The following MAP3K6 variants were observed in gnomAD, a reference collection of about 807,000 sequenced individuals.
MAP3K6 encodes the protein mitogen-activated protein kinase kinase kinase 6.
A neutral mutation model predicts 147.1 loss-of-function variants in MAP3K6; 105 were observed. The observed-to-expected ratio is 0.71, with a 90% CI of 0.61 to 0.84. The LOEUF (loss-of-function observed/expected upper bound fraction) is 0.84. MAP3K6 is among the 40% of genes least tolerant of loss of function. The pLI is 0.00. For synonymous variants in MAP3K6, 695 were observed against 732.4 expected, an observed-to-expected ratio of 0.95 and a Z score of 0.82; for missense variants, 1,569 against 1,715.0, an observed-to-expected ratio of 0.91 and a Z score of 1.50.
chr1:27,364,599 G>A lies in MAP3K6; in HGVS notation c.504+62C>T. 6.2e-7 allele frequency: 1 copy of A among 1,610,930 alleles called. No homozygotes were observed. Among genetic ancestry groups the A allele is most frequent in the Non-Finnish European group, 8.5e-7 (1 of 1,177,060 alleles). On this transcript the variant is annotated intron_variant, in intron 3 of 28. Transcript: ENST00000357582. This position sits in a 1 kb window ranked among gnomAD's most constrained non-coding sequence, Gnocchi z 4.4. ...ACTGAGGAGGCCAGGGGGATTAGTG[G>A]AGGTCAGAGGTCATAGCGGAAGTCA...
chr1:27,361,047 T>G, intron 13 of MAP3K6, 39 bp from the exon 14 acceptor site: 1 of 1,539,558 alleles, frequency 6.5e-7, no homozygotes, highest in Non-Finnish European at 8.8e-7. Context: ...GAGGGGCATC[T>G]TGGTCCCCAC....
Position 27,360,358 on chromosome 1 carries a change from G to T in MAP3K6, c.2065C>A (p.Pro689Thr), listed in dbSNP as rs2015701913. 1.2e-6 allele frequency: 2 copies of T among 1,613,620 alleles called. No individual in the cohort carries two copies. Among genetic ancestry groups the T allele is most frequent in the Admixed American group, 1.7e-5 (1 of 60,000 alleles). ...IPERDSRFSQPLHEEIALHRR... is the reference protein window; with the variant it reads ...IPERDSRFSQTLHEEIALHRR... The stretch of plus-strand genomic sequence containing the variant: ...TGAAGAGCGATCTCTTCATGCAGGG[G>T]CTGAGAGAACCTGAGGGGAGGTAAG... Residue 689 changes from proline to threonine, a missense_variant, in exon 16 of 29, where the codon CCC becomes ACC. Transcript: ENST00000357582. The surrounding 1 kb of genome is among the most constrained non-coding windows in gnomAD (Gnocchi z 4.5).
chr1:27,358,328 G>C lies in MAP3K6; in HGVS notation c.2777-9C>G, dbSNP rs756867743. 1 of 1,605,676 alleles carries C rather than the reference G, an allele frequency of 6.2e-7. No homozygotes were observed. Among genetic ancestry groups the C allele is most frequent in the Admixed American group, 1.8e-5 (1 of 56,572 alleles). ...ACTGGCAGAAGGGGCATCTGAGGGAGGGACAGAGCCATCAGCTGGGCTCTC... is the reference window on the plus strand; with the variant it reads ...ACTGGCAGAAGGGGCATCTGAGGGACGGACAGAGCCATCAGCTGGGCTCTC... On this transcript the variant is annotated splice_polypyrimidine_tract_variant and intron_variant, in intron 20 of 28. Transcript: ENST00000357582. The surrounding 1 kb of genome is among the most constrained non-coding windows in gnomAD (Gnocchi z 6.2).
chr1:27,363,879 A>G (rs2015874400), intron 5 of MAP3K6, 38 bp downstream of exon 5: 1 of 1,508,692 alleles, frequency 6.6e-7, no homozygotes, highest in East Asian at 2.4e-5. Flanking sequence ...CTGACCTCAA[A>G]TGCCAGCTGC....
chr1:27,357,451 C>CT lies in MAP3K6; in HGVS notation c.3206dup (p.Leu1071ProfsTer67). ...TGTGCAGAAGCGCAGGCCCAAGGCC[C>CT]TGGGCCCTCAGCCGTCCTTGCAGCG... On this transcript the variant is annotated frameshift_variant, in exon 23 of 29. Coordinates refer to ENST00000357582, the MANE Select transcript of MAP3K6 (RefSeq NM_004672.5). LOFTEE classifies it high-confidence loss of function. 6.2e-7 allele frequency: 1 copy of CT among 1,613,460 alleles called. No homozygotes were observed. The highest frequency in any genetic ancestry group is 8.5e-7 in the Non-Finnish European group (1 of 1,179,756).
Position 27,356,734 on chromosome 1 carries a change from G to A in MAP3K6, c.3380C>T (p.Ala1127Val), listed in dbSNP as rs1192790793. 1.9e-6 allele frequency: 3 copies of A among 1,569,730 alleles called. No homozygotes were observed. The highest frequency in any genetic ancestry group is 2.6e-6 in the Non-Finnish European group (3 of 1,157,442). ...CAGCTCCTCTGACCTCGGTGAGACC[G>A]CCTCCTTCTCCACCTCTGCAGCCCA... ...GVLGPEVEKE[A>V]VSPRSEELSN... The change falls in exon 25 of 29, where the codon GCG becomes GTG. Residue 1127 changes from alanine to valine, a missense_variant. Transcript: ENST00000357582.
rs947142179 is a variant in MAP3K6, at chr1:27,358,088, A to G, written c.2915+93T>C. The G allele has an allele frequency of 1.3e-6, 2 of 1,516,054 alleles. No homozygotes were observed. Among genetic ancestry groups the G allele is most frequent in the Non-Finnish European group, 1.8e-6 (2 of 1,135,110 alleles). The allele number at this position is 1,516,054 out of a possible 1,614,324, so 93.9% of individuals were successfully genotyped here. On this transcript the variant is annotated intron_variant, in intron 21 of 28. Coordinates refer to ENST00000357582, the MANE Select transcript of MAP3K6 (RefSeq NM_004672.5). The surrounding 1 kb of genome is among the most constrained non-coding windows in gnomAD (Gnocchi z 6.2). ...CCAAATGCCACATTCACAAGTGGTC[A>G]AGGTGCCCAGGTCCCCAGGGAGGGC...
chr1:27,357,029 G>A lies in MAP3K6; in HGVS notation c.3344C>T (p.Ala1115Val), dbSNP rs1304849900. ...CCTACCCGGTCCTAGCACACCCAGGGCTGCCCGCACAGCACGGCTGAGCAG... is the reference window on the plus strand; with the variant it reads ...CCTACCCGGTCCTAGCACACCCAGGACTGCCCGCACAGCACGGCTGAGCAG... ...DSLLSRAVRA[A>V]LGVLGPEVEK... The change falls in exon 24 of 29, where the codon GCC becomes GTC. Residue 1115 changes from alanine to valine, a missense_variant. Coordinates refer to ENST00000357582, the MANE Select transcript of MAP3K6 (RefSeq NM_004672.5). The A allele has an allele frequency of 3.1e-6, 5 of 1,614,006 alleles. No individual in the cohort carries two copies. In the Admixed American group the frequency reaches 8.3e-5, roughly 27 times the overall value.
chr1:27,362,923 C>T lies in MAP3K6; in HGVS notation c.1070G>A (p.Gly357Asp), dbSNP rs769029527. 6 of 1,614,032 alleles carry T rather than the reference C, an allele frequency of 3.7e-6. No individual in the cohort carries two copies. The highest frequency in any genetic ancestry group is 5.1e-6 in the Non-Finnish European group (6 of 1,180,022). Residue 357 changes from glycine (G) to aspartate (D), a missense_variant, in exon 7 of 29, where the codon GGC becomes GAC. Transcript: ENST00000357582. ...SVAPDLYCMCGRIYKDMFFSS... is the reference protein window; with the variant it reads ...SVAPDLYCMCDRIYKDMFFSS... ...GAAGAACATGTCCTTGTAGATACGG[C>T]CACACATGCAGTACAGATCGGGCGC...
At position 27,360,821 on chromosome 1, in the gene MAP3K6, C is replaced by T. The variant is rs751616828; in HGVS notation, c.1938G>A (p.Thr646=). 5 of 1,612,880 alleles carry T rather than the reference C, an allele frequency of 3.1e-6. No individual in the cohort carries two copies. The East Asian group carries it at 8.9e-5, about 29-fold the overall frequency. Residue 646 remains threonine, a synonymous_variant, in exon 15 of 29, where the codon ACG becomes ACA. Coordinates refer to ENST00000357582, the MANE Select transcript of MAP3K6 (RefSeq NM_004672.5). This position sits in a 1 kb window ranked among gnomAD's most constrained non-coding sequence, Gnocchi z 4.5. ...CCAGCACCAGCCGCTCGCCCGTCTCCGTGTACTCATAATCAAACTGCCGGG... is the reference window on the plus strand; with the variant it reads ...CCAGCACCAGCCGCTCGCCCGTCTCTGTGTACTCATAATCAAACTGCCGGG... ...GEMLEFDYEY[T]ETGERLVLGK...
In MAP3K6 at chr1:27,362,947, G is replaced by A. The variant is rs141965929; in HGVS notation, c.1046C>T (p.Ala349Val). Residue 349 changes from alanine to valine, a missense_variant, in exon 7 of 29, where the codon GCG (alanine) becomes GTG (valine). Coordinates refer to ENST00000357582, the MANE Select transcript of MAP3K6 (RefSeq NM_004672.5). ...LPLVQLEGSV[A>V]PDLYCMCGRI... ...GCCACACATGCAGTACAGATCGGGC[G>A]CCACAGAGCCCTCAAGCTGTACCAG... 8.5e-5 allele frequency: 137 copies of A among 1,614,058 alleles called. No homozygotes were observed. The highest frequency in any genetic ancestry group is 1.5e-4 in the Admixed American group (9 of 60,014).
chr1:27,359,811 T>TC lies in MAP3K6; in HGVS notation c.2319+46dup. 2 of 1,608,592 alleles carry TC rather than the reference T, an allele frequency of 1.2e-6. No homozygotes were observed. Among genetic ancestry groups the TC allele is most frequent in the Non-Finnish European group, 1.7e-6 (2 of 1,175,654 alleles). ...GCCTGCGTCTGGGACCATGTTTCCT[T>TC]CCCCGCCACCCTCAGCAGATGAGGG... On this transcript the variant is annotated intron_variant, in intron 17 of 28. Transcript: ENST00000357582. The surrounding 1 kb of genome is among the most constrained non-coding windows in gnomAD (Gnocchi z 4.4).
At position 27,361,702 on chromosome 1, in the gene MAP3K6, C is replaced by T. The variant is rs780942472; in HGVS notation, c.1578+3G>A. On this transcript the variant is annotated splice_donor_region_variant and intron_variant, in intron 10 of 28. Transcript: ENST00000357582. Reference sequence around the variant, plus strand: ...CCGGGTCCACCACCCCTACAGGCCTCACCAAGCACTGGTCGCCCTGGGCAC... The same window carrying T: ...CCGGGTCCACCACCCCTACAGGCCTTACCAAGCACTGGTCGCCCTGGGCAC... 4 of 1,613,518 alleles carry T rather than the reference C, an allele frequency of 2.5e-6. No homozygotes were observed. The African/African-American group carries it at 5.3e-5, about 22-fold the overall frequency.
Position 27,360,964 on chromosome 1 carries a change from G to A in MAP3K6, c.1877C>T (p.Thr626Met). 6.2e-7 allele frequency: 1 copy of A among 1,607,238 alleles called. No homozygotes were observed. ...GCCCTCCGCCTCCTCCGCGGGCGCCGTGGAATCCGGGTTCGTCACCCAGGC... is the reference window on the plus strand; with the variant it reads ...GCCCTCCGCCTCCTCCGCGGGCGCCATGGAATCCGGGTTCGTCACCCAGGC... ...IQAWVTNPDSTAPAEEAEGAG... is the reference protein window; with the variant it reads ...IQAWVTNPDSMAPAEEAEGAG... The change falls in exon 14 of 29, where the codon ACG becomes ATG. Residue 626 changes from threonine to methionine, a missense_variant. Thr to Met is a moderately conservative substitution (Grantham distance 81). Transcript: ENST00000357582. This position sits in a 1 kb window ranked among gnomAD's most constrained non-coding sequence, Gnocchi z 4.5.
Position 27,363,450 on chromosome 1 carries a change from G to A in MAP3K6, c.963C>T (p.Ala321=), listed in dbSNP as rs1281865145. 1 of 1,612,814 alleles carries A rather than the reference G, an allele frequency of 6.2e-7. No individual in the cohort carries two copies. Among genetic ancestry groups the A allele is most frequent in the Non-Finnish European group, 8.5e-7 (1 of 1,179,284 alleles). The change falls in exon 6 of 29, where the codon GCC becomes GCT. Residue 321 remains alanine (A), a synonymous_variant. Transcript: ENST00000357582. ...QHNVCFHYTF[A]LNRRNRPGDR... ...CTTGCTCTGCCACTCACCGGTTGAGGGCAAAAGTGTAGTGGAAGCAGACAT... is the reference window on the plus strand; with the variant it reads ...CTTGCTCTGCCACTCACCGGTTGAGAGCAAAAGTGTAGTGGAAGCAGACAT...
chr1:27,359,286 A>G lies in MAP3K6; in HGVS notation c.2425+131T>C. 1 of 1,327,740 alleles carries G rather than the reference A, an allele frequency of 7.5e-7. No homozygotes were observed. Among genetic ancestry groups the G allele is most frequent in the South Asian group, 1.3e-5 (1 of 75,040 alleles). The allele number at this position is 1,327,740 out of a possible 1,614,324, so 82.2% of individuals were successfully genotyped here. ...CCACCACCTCAGCCCTGGCCCAATC[A>G]CTCACCCTGGGTTTCATTCCCCATT... On this transcript the variant is annotated intron_variant, in intron 18 of 28. Coordinates refer to ENST00000357582, the MANE Select transcript of MAP3K6 (RefSeq NM_004672.5). This position sits in a 1 kb window ranked among gnomAD's most constrained non-coding sequence, Gnocchi z 4.4.
rs376169152 is a variant in MAP3K6, at chr1:27,363,959, G to C, written c.822C>G (p.Pro274=). The C allele has an allele frequency of 1.2e-6, 2 of 1,608,270 alleles. No homozygotes were observed. The highest frequency in any genetic ancestry group is 8.5e-7 in the Non-Finnish European group (1 of 1,179,022). Residue 274 remains proline, a synonymous_variant, in exon 5 of 29, where the codon CCC becomes CCG. Coordinates refer to ENST00000357582, the MANE Select transcript of MAP3K6 (RefSeq NM_004672.5). ...RRLDSVELLS[P]DIIMNLLLSY... is the part of the protein sequence containing the mutation. The stretch of plus-strand genomic sequence containing the variant: ...AGAGCAGCAAGTTCATGATGATGTC[G>C]GGGCTCAGCAGCTCCACGCTGTCCA...
intron 8 of MAP3K6, 105 bp from the exon 9 acceptor site, chr1:27,362,355 G>T: frequency 8.3e-7 from 1 of 1,204,166 alleles, no homozygotes; most frequent in Non-Finnish European, 1.2e-6. Context: ...TATGAGTATG[G>T]CATTGAGTAT....
chr1:27,359,006 TCATCAAA>T lies in MAP3K6; in HGVS notation c.2426-147_2426-141del. On this transcript the variant is annotated intron_variant, in intron 18 of 28. Transcript: ENST00000357582. This position sits in a 1 kb window ranked among gnomAD's most constrained non-coding sequence, Gnocchi z 4.4. Reference sequence around the variant, plus strand: ...AAATATACCTCAACACCTATCCTGGTCATCAAACATCTATCCTGAGTTCCATCACCAC... The same window carrying T: ...AAATATACCTCAACACCTATCCTGGTCATCTATCCTGAGTTCCATCACCAC... The T allele has an allele frequency of 1.2e-6, 1 of 840,282 alleles. No individual in the cohort carries two copies. 52.1% of individuals were successfully genotyped at this position (840,282 alleles called of 1,614,324 possible).
Sources: gnomAD v4.1 joint callset for allele counts on GRCh38, gnomAD v4.1.1 for gene constraint, Gnocchi (gnomAD v3.1) non-coding constraint, MANE v1.5 for transcripts, NCBI Gene and HGNC (gene_info 2026-07-23, HGNC 2026-07-21) for gene names.